The following PCDHAC2 variants were observed in gnomAD, a reference collection of about 807,000 sequenced individuals.
PCDHAC2 encodes protocadherin alpha subfamily C, 2.
Under a neutral mutation model 63.3 loss-of-function variants are expected in PCDHAC2, and 24 were observed. The ratio of observed to expected loss-of-function variants is 0.38; its 90% CI spans 0.27 to 0.53. PCDHAC2 has a LOEUF of 0.53. Among genes scored for constraint, PCDHAC2 ranks in the 20% least tolerant of loss-of-function variants. The pLI, the probability that PCDHAC2 is intolerant of heterozygous loss-of-function variation, is 0.81. For missense variants in PCDHAC2, 1,181 were observed against 1,275.2 expected (o/e 0.93, Z 1.12); for synonymous variants, 569 against 529.4 (o/e 1.07, Z -1.03).
chr5:140,985,430 A>T lies in PCDHAC2; in HGVS notation c.2713+2867A>T, dbSNP rs1158797076. ...GGAAATGGAGTGAGGAGGATTTATT[A>T]GTTGCTGCCTGAAGAAAAGGGAAAT... On this transcript the variant is annotated intron_variant, in intron 3 of 3. Transcript: ENST00000289269. Among the ~76,000 whole-genome samples the T allele has an allele frequency of 2.6e-5, 4 of 152,186 alleles. 1 individual carries two copies. Among genetic ancestry groups the T allele is most frequent in the Non-Finnish European group, 5.9e-5 (4 of 68,036 alleles).
chr5:140,997,866 TG>T (rs1554256038), intron 3 of PCDHAC2, among the ~76,000 whole-genome samples: 1 of 152,216 alleles, frequency 6.6e-6, no homozygotes, highest in African/African-American at 2.4e-5. Context: ...TTCTTATGCA[TG>T]CTTGCTAGTA....
At chr5:141,003,053 C>T (rs1554258899) in intron 3 of PCDHAC2, among the ~76,000 whole-genome samples, 3 of 152,206 alleles carry the variant, frequency 2.0e-5, no homozygotes, top group African/African-American at 7.2e-5. Flanking sequence ...CTTAACAGAA[C>T]AGTTCCAAAT....
At chr5:140,969,519 G>T in intron 1 of PCDHAC2, 188 bp downstream of exon 1, 2 of 1,406,074 alleles carry the variant, frequency 1.4e-6, no homozygotes, top group Admixed American at 2.8e-5. Context: ...CTAAAGAATT[G>T]TTTTATTTTT....
Position 140,967,846 on chromosome 5 carries a change from C to A in PCDHAC2, c.1080C>A (p.Asp360Glu). The A allele has an allele frequency of 6.2e-7, 1 of 1,614,166 alleles. No individual in the cohort carries two copies. Among genetic ancestry groups the A allele is most frequent in the Non-Finnish European group, 8.5e-7 (1 of 1,180,034 alleles). The change falls in exon 1 of 4, where the codon GAC becomes GAA. Residue 360 changes from aspartate (D) to glutamate (E), a missense_variant. This residue lies in a region of PCDHAC2 where 968 missense variants were observed against 1,073.5 expected (regional missense o/e 0.90). Transcript: ENST00000289269. ...KVLVDIVDVN[D>E]NAPEVVLTDL... ...TGGTGGACATCGTGGACGTGAATGA[C>A]AATGCCCCAGAGGTGGTGCTCACGG...
chr5:140,978,834 C>A (rs1294349430), intron 1 of PCDHAC2, 115 bp from the exon 2 acceptor site: 3 of 1,546,580 alleles, frequency 1.9e-6, no homozygotes, highest in Non-Finnish European at 2.6e-6. Context: ...ATGGCTCATT[C>A]AATACTTTTT....
Position 140,968,026 on chromosome 5 carries a change from A to G in PCDHAC2, c.1260A>G (p.Thr420=), listed in dbSNP as rs570318168. 9.3e-6 allele frequency: 15 copies of G among 1,614,066 alleles called. No individual in the cohort carries two copies. In the Admixed American group the frequency reaches 1.8e-4, roughly 20 times the overall value. The change falls in exon 1 of 4, where the codon ACA becomes ACG. Residue 420 remains threonine, a synonymous_variant. Transcript: ENST00000289269. ...TGAATGGCTTTGGAAACTCCTATACACTGGTGGTGAGCGGCCCACTGGACC... is the reference window on the plus strand; with the variant it reads ...TGAATGGCTTTGGAAACTCCTATACGCTGGTGGTGAGCGGCCCACTGGACC... The part of the protein sequence containing the change: ...FRLNGFGNSY[T]LVVSGPLDRE...
chr5:141,003,715 G>A (rs561348265), intron 3 of PCDHAC2, among the ~76,000 whole-genome samples: 21 of 152,240 alleles, frequency 1.4e-4, no homozygotes, highest in African/African-American at 2.2e-4. Flanking sequence ...TGAAGATATC[G>A]GCTAATCCAA....
At chr5:140,987,997 T>C (rs2097277277) in intron 3 of PCDHAC2, among the ~76,000 whole-genome samples, 1 of 152,212 alleles carries the variant, frequency 6.6e-6, no homozygotes, top group African/African-American at 2.4e-5. Flanking sequence ...TCTCTGATCC[T>C]TCCCCAGAAA....
In PCDHAC2 at chr5:141,003,833, A is replaced by G. The variant is rs1215772990; in HGVS notation, c.2714-5794A>G. On this transcript the variant is annotated intron_variant, in intron 3 of 3. Transcript: ENST00000289269. ...AGTCTGGGAAGGGCTCTGCCTAACG[A>G]TTCAGACCCCTACCAGATTTATATG... is the stretch of plus-strand genomic sequence containing the variant. 2.6e-5 allele frequency among the ~76,000 whole-genome samples: 4 copies of G among 152,176 alleles called. No individual in the cohort carries two copies. In the East Asian group the frequency reaches 7.7e-4, roughly 29 times the overall value.
intron 3 of PCDHAC2, among the ~76,000 whole-genome samples, chr5:140,987,622 TAGATG>T (rs1554249376): frequency 2.6e-5 from 4 of 152,328 alleles, no homozygotes; most frequent in African/African-American, 9.6e-5. Flanking sequence ...TTGGAAGAAT[TAGATG>T]AGATAATGCA....
chr5:141,002,497 CT>C (rs1310638544), intron 3 of PCDHAC2, among the ~76,000 whole-genome samples: 1 of 152,204 alleles, frequency 6.6e-6, no homozygotes, highest in Non-Finnish European at 1.5e-5. Flanking sequence ...TGTTATACAG[CT>C]CAGGATCTGA....
Position 140,968,326 on chromosome 5 carries a change from C to G in PCDHAC2, c.1560C>G (p.Ser520=), listed in dbSNP as rs1554230623. 1 of 1,614,058 alleles carries G rather than the reference C, an allele frequency of 6.2e-7. No homozygotes were observed. The highest frequency in any genetic ancestry group is 8.5e-7 in the Non-Finnish European group (1 of 1,179,968). Residue 520 remains serine (S), a synonymous_variant, in exon 1 of 4, where the codon TCC becomes TCG. Transcript: ENST00000289269. ...EREIQGLPVT[S]YVSINSASGS... ...AGATTCAAGGGCTGCCAGTCACCTCCTATGTCTCCATTAACAGTGCCAGTG... is the reference window on the plus strand; with the variant it reads ...AGATTCAAGGGCTGCCAGTCACCTCGTATGTCTCCATTAACAGTGCCAGTG...
chr5:140,973,606 G>A (rs1554235444), intron 1 of PCDHAC2, among the ~76,000 whole-genome samples: 1 of 152,204 alleles, frequency 6.6e-6, no homozygotes, highest in African/African-American at 2.4e-5. Flanking sequence ...TTATGGCTGA[G>A]CTCTTCTCTG....
At chr5:140,977,730 T>C (rs1478978176) in intron 1 of PCDHAC2, among the ~76,000 whole-genome samples, 1 of 152,226 alleles carries the variant, frequency 6.6e-6, no homozygotes, top group Non-Finnish European at 1.5e-5. Flanking sequence ...ATTTCTCTCC[T>C]GGGTGTTATG....
At chr5:140,982,589 T>C in intron 3 of PCDHAC2, 26 bp downstream of exon 3, 1 of 1,610,940 alleles carries the variant, frequency 6.2e-7, no homozygotes, top group Non-Finnish European at 8.5e-7. Context: ...CTCTCCATTC[T>C]TTCTTGGTTT....
chr5:140,969,509 C>T (rs1554231905), intron 1 of PCDHAC2, 178 bp downstream of exon 1: 1 of 1,416,140 alleles, frequency 7.1e-7, no homozygotes, highest in Non-Finnish European at 9.4e-7. Context: ...AAAAATAGCA[C>T]TAAAGAATTG....
chr5:141,003,457 G>A (rs769049189), intron 3 of PCDHAC2, among the ~76,000 whole-genome samples: 1 of 152,136 alleles, frequency 6.6e-6, no homozygotes, highest in Non-Finnish European at 1.5e-5. Flanking sequence ...AATTACAGGC[G>A]TGCACCACCA....
intron 1 of PCDHAC2, among the ~76,000 whole-genome samples, chr5:140,976,568 TA>T (rs2096723296): frequency 6.6e-6 from 1 of 152,050 alleles, no homozygotes; most frequent in Non-Finnish European, 1.5e-5. Context: ...AATAAATAAA[TA>T]TAAATAAAAC....
chr5:140,998,275 A>G (rs1554256218), intron 3 of PCDHAC2, among the ~76,000 whole-genome samples: 1 of 152,198 alleles, frequency 6.6e-6, no homozygotes, highest in African/African-American at 2.4e-5. Context: ...TGACACCCAT[A>G]GGATTAAATC....
Sources: allele counts gnomAD v4.1 joint callset (sites outside exome capture counted in the v4.1 genomes callset), GRCh38; gene constraint gnomAD v4.1.1; regional missense constraint gnomAD v4.1.1; transcripts MANE v1.5; gene names NCBI Gene and HGNC (gene_info 2026-07-23, HGNC 2026-07-21).